Variants in KIF27 observed in about 807,000 individuals in gnomAD.
KIF27 encodes the protein kinesin-like protein KIF27.
In KIF27, 84 loss-of-function variants were observed where a neutral mutation model predicts 141.8. That is an observed-to-expected ratio of 0.59 (90% CI 0.50 to 0.71). The LOEUF (loss-of-function observed/expected upper bound fraction) is 0.71, where lower values mean the gene tolerates loss of function less well. KIF27 is among the 30% of genes least tolerant of loss of function. The probability of loss-of-function intolerance (pLI) is 0.00; values close to 1 mark genes in which losing one functional copy is unlikely to be tolerated. For synonymous variants in KIF27, 471 were observed against 569.5 expected (o/e 0.83, Z 2.46); for missense variants, 1,306 against 1,628.4 (o/e 0.80, Z 3.41).
intron 2 of KIF27, among the ~76,000 whole-genome samples, chr9:83,910,565 A>C (rs1286415638): frequency 1.3e-5 from 2 of 152,208 alleles, no homozygotes; most frequent in African/African-American, 2.4e-5. Context: ...GACAACAAGA[A>C]AAGACAGGGA....
chr9:83,843,956 AGATGCCAAGTATT>A (rs547100094), intron 16 of KIF27, among the ~76,000 whole-genome samples: 167 of 152,288 alleles, frequency 1.1e-3, no homozygotes, highest in African/African-American at 3.6e-3. Context: ...TTGGACTGAA[AGATGCCAAGTATT>A]GATGCCAAGT....
chr9:83,869,658 C>T (rs552194673), intron 12 of KIF27, among the ~76,000 whole-genome samples: 44 of 151,996 alleles, frequency 2.9e-4, no homozygotes, highest in Admixed American at 1.4e-3. Context: ...ACCCGGGAGG[C>T]GGAGCTTGCA....
intron 14 of KIF27, among the ~76,000 whole-genome samples, chr9:83,856,820 G>C (rs7864058): frequency 0.13 from 19,523 of 147,216 alleles, 1,380 homozygotes; most frequent in African/African-American, 0.14. Context: ...TGAGGCAGGA[G>C]AATTGCTTGA....
chr9:83,842,489 G>A, intron 16 of KIF27, 88 bp from the exon 17 acceptor site: 1 of 1,415,216 alleles, frequency 7.1e-7, no homozygotes, highest in Non-Finnish European at 9.2e-7. Context: ...TTGAGACGGA[G>A]TCTCGCACTG....
intron 9 of KIF27, among the ~76,000 whole-genome samples, chr9:83,885,719 C>T (rs1952042811): frequency 6.6e-6 from 1 of 152,030 alleles, no homozygotes; most frequent in African/African-American, 2.4e-5. Context: ...GCAGCCTTGA[C>T]CTCTGGGGCT....
chr9:83,919,312 C>T (rs1330270212), intron 1 of KIF27, among the ~76,000 whole-genome samples: 2 of 152,182 alleles, frequency 1.3e-5, no homozygotes, highest in Admixed American at 6.5e-5. Context: ...ATCAAATGAT[C>T]CAGCAATTCC....
At chr9:83,872,482 T>C (rs1360166884) in intron 11 of KIF27, among the ~76,000 whole-genome samples, 3 of 152,190 alleles carry the variant, frequency 2.0e-5, no homozygotes, top group African/African-American at 7.2e-5. Context: ...AAGTACACAA[T>C]TGAAAGTGCT....
chr9:83,894,920 G>T (rs1485645091), intron 5 of KIF27, among the ~76,000 whole-genome samples: 1 of 151,976 alleles, frequency 6.6e-6, no homozygotes, highest in East Asian at 1.9e-4. Flanking sequence ...CAACAAAAAG[G>T]GTTTATTCCA....
At chr9:83,917,901 T>C (rs116888798) in intron 1 of KIF27, among the ~76,000 whole-genome samples, 185 of 152,230 alleles carry the variant, frequency 1.2e-3, no homozygotes, top group Middle Eastern at 3.4e-3. Context: ...TTCTCAGATA[T>C]GACACCAAAA....
chr9:83,875,943 GGTT>G (rs1951176833), intron 11 of KIF27, among the ~76,000 whole-genome samples: 1 of 151,882 alleles, frequency 6.6e-6, no homozygotes, highest in South Asian at 2.1e-4. Flanking sequence ...ATGGGAAAAA[GGTT>G]GAAGGAGGAT....
At position 83,891,354 on chromosome 9, in the gene KIF27, G is replaced by T; in HGVS notation, c.1750C>A (p.Pro584Thr). ...RIPERRPYTV[P>T]FDTHLGHYIY... Reference sequence around the variant, plus strand: ...TAATGCCCCAAATGAGTATCAAATGGTACAGTATATGGTCTCCTTTCAGGG... The same window carrying T: ...TAATGCCCCAAATGAGTATCAAATGTTACAGTATATGGTCTCCTTTCAGGG... The change falls in exon 6 of 18, where the codon CCA becomes ACA. Residue 584 changes from proline to threonine, a missense_variant. Coordinates refer to ENST00000297814, the MANE Select transcript of KIF27 (RefSeq NM_017576.4). 1 of 1,613,636 alleles carries T rather than the reference G, an allele frequency of 6.2e-7. No homozygotes were observed. Among genetic ancestry groups the T allele is most frequent in the Non-Finnish European group, 8.5e-7 (1 of 1,179,714 alleles).
intron 5 of KIF27, among the ~76,000 whole-genome samples, chr9:83,893,688 T>A (rs966373139): frequency 6.6e-6 from 1 of 151,658 alleles, no homozygotes; most frequent in Non-Finnish European, 1.5e-5. Context: ...TAAATATTCA[T>A]CTAAAGATGT....
chr9:83,861,957 G>T lies in KIF27; in HGVS notation c.2935-2586C>A, dbSNP rs954747701. Reference sequence around the variant, plus strand: ...ATGATGAGCATTTTTTCATGTGTCTGTTGGCTGCATAAATGTCTTCTTTCG... The same window carrying T: ...ATGATGAGCATTTTTTCATGTGTCTTTTGGCTGCATAAATGTCTTCTTTCG... On this transcript the variant is annotated intron_variant, in intron 13 of 17. Transcript: ENST00000297814. 2.5e-3 allele frequency among the ~76,000 whole-genome samples: 382 copies of T among 152,116 alleles called. 2 individuals carry two copies. The highest frequency in any genetic ancestry group is 8.3e-3 in the African/African-American group (346 of 41,482).
Position 83,851,038 on chromosome 9 carries a change from G to A in KIF27, c.3358-741C>T, listed in dbSNP as rs150827379. On this transcript the variant is annotated intron_variant, in intron 15 of 17. Transcript: ENST00000297814. ...ATTTTAGTACAGATGGGGTTTCACC[G>A]TGTTAGCTAGGATGGTCTCAATCTC... 4.2e-3 allele frequency among the ~76,000 whole-genome samples: 634 copies of A among 150,814 alleles called. 19 individuals carry two copies. Among genetic ancestry groups the A allele is most frequent in the Admixed American group, 0.038 (576 of 15,170 alleles).
At chr9:83,862,186 C>G (rs1347490525) in intron 13 of KIF27, among the ~76,000 whole-genome samples, 1 of 150,496 alleles carries the variant, frequency 6.6e-6, no homozygotes, top group Non-Finnish European at 1.5e-5. Context: ...TTAATTAGAT[C>G]CCATTTGTCA....
At position 83,899,789 on chromosome 9, in the gene KIF27, C is replaced by T. The variant is rs1192940923; in HGVS notation, c.1474G>A (p.Asp492Asn). 1 of 1,612,398 alleles carries T rather than the reference C, an allele frequency of 6.2e-7. No homozygotes were observed. The highest frequency in any genetic ancestry group is 1.7e-5 in the Admixed American group (1 of 59,982). Residue 492 changes from aspartate (D) to asparagine (N), a missense_variant, in exon 5 of 18, where the codon GAT becomes AAT. This residue lies in a region of KIF27 where 29 missense variants were observed against 60.3 expected (regional missense o/e 0.48). Coordinates refer to ENST00000297814, the MANE Select transcript of KIF27 (RefSeq NM_017576.4). The part of the protein sequence containing the change: ...LKKCQCVLAA[D>N]EVVFNQKELE... The stretch of plus-strand genomic sequence containing the variant: ...TCCTTCTGATTAAATACTACTTCAT[C>T]AGCAGCAAGCACACACTAGTGGGGA...
rs1204276559 is a variant in KIF27, at chr9:83,834,954, CA to C, written c.*2046del. ...CTATATATATACAAGTGTTTATATA[CA>C]AGTATATATAATGGTAAAAGGTCAG... On this transcript the variant is annotated 3_prime_UTR_variant, in exon 18 of 18. Transcript: ENST00000297814. Among the ~76,000 whole-genome samples the C allele has an allele frequency of 6.8e-6, 1 of 146,698 alleles. No individual in the cohort carries two copies. The highest frequency in any genetic ancestry group is 2.1e-4 in the South Asian group (1 of 4,738).
chr9:83,887,380 A>G (rs962339063), intron 8 of KIF27, among the ~76,000 whole-genome samples, 184 bp from the exon 9 acceptor site: 1 of 152,238 alleles, frequency 6.6e-6, no homozygotes, highest in African/African-American at 2.4e-5. Context: ...AGCTTACAGT[A>G]AGAGTTTTTA....
chr9:83,890,225 T>C (rs1952538511), intron 6 of KIF27, among the ~76,000 whole-genome samples: 1 of 152,152 alleles, frequency 6.6e-6, no homozygotes, highest in South Asian at 2.1e-4. Context: ...TCATCTTATA[T>C]CTGATTTTTG....
Sources: gnomAD v4.1 joint callset for allele counts (sites outside exome capture counted in the v4.1 genomes callset) on GRCh38, gnomAD v4.1.1 for gene constraint, gnomAD v4.1.1 regional missense constraint, MANE v1.5 for transcripts, NCBI Gene and HGNC (gene_info 2026-07-23, HGNC 2026-07-21) for gene names.